The following CFAP299 variants were observed in gnomAD, a reference collection of about 807,000 sequenced individuals.
CFAP299 encodes the protein cilia and flagella associated protein 299.
A neutral mutation model predicts 27.0 loss-of-function variants in CFAP299; 21 were observed. The observed-to-expected ratio is 0.78, with a 90% CI of 0.55 to 1.12. CFAP299 has a LOEUF of 1.12. Ranked by LOEUF, CFAP299 falls within the 50% of genes most tolerant of loss-of-function variation. The pLI is 0.00. For synonymous variants in CFAP299, 104 were observed against 98.1 expected, an observed-to-expected ratio of 1.06 and a Z score of -0.36; for missense variants, 310 against 276.6, an observed-to-expected ratio of 1.12 and a Z score of -0.86.
At chr4:80,723,426 C>T (rs1372408335) in intron 3 of CFAP299, among the ~76,000 whole-genome samples, 6 of 152,030 alleles carry the variant, frequency 3.9e-5, no homozygotes, top group African/African-American at 1.2e-4. Flanking sequence ...ATACATGTTA[C>T]AACATGGATG....
intron 3 of CFAP299, among the ~76,000 whole-genome samples, chr4:80,635,630 TAA>T (rs1355651213): frequency 2.6e-5 from 4 of 152,192 alleles, no homozygotes; most frequent in Admixed American, 1.3e-4. Flanking sequence ...TCCTTGGAAT[TAA>T]AATTAATAAG....
rs566900670 is a variant in CFAP299, at chr4:80,544,662, G to A, written c.243-38431G>A. 2.6e-4 allele frequency among the ~76,000 whole-genome samples: 39 copies of A among 152,260 alleles called. No homozygotes were observed. The South Asian group carries it at 3.1e-3, about 12-fold the overall frequency. ...AAGGGGCTCAATCCAACAGGAAGAT[G>A]TAACTATCCTAAATATATATGCACC... On this transcript the variant is annotated intron_variant, in intron 2 of 5. Coordinates refer to ENST00000358105, the MANE Select transcript of CFAP299 (RefSeq NM_152770.3).
intron 3 of CFAP299, among the ~76,000 whole-genome samples, chr4:80,867,865 C>A (rs945293022): frequency 6.6e-6 from 1 of 152,168 alleles, no homozygotes; most frequent in Non-Finnish European, 1.5e-5. Flanking sequence ...ATGGCACTAT[C>A]TTTACATTTT....
Position 80,575,672 on chromosome 4 carries a change from C to A in CFAP299, c.243-7421C>A, listed in dbSNP as rs937914760. On this transcript the variant is annotated intron_variant, in intron 2 of 5. Transcript: ENST00000358105. ...TCTGATCTTTATTAATTTCTTATAC[C>A]AATTTTAGGTTTGTTTTGCTCTTGC... Among the ~76,000 whole-genome samples, 6 of 133,304 alleles carry A rather than the reference C, an allele frequency of 4.5e-5. No individual in the cohort carries two copies. In the South Asian group the frequency reaches 1.5e-3, roughly 33 times the overall value. 87.5% of individuals were successfully genotyped at this position (133,304 alleles called of 152,430 possible).
At chr4:80,929,171 T>C (rs946354582) in intron 4 of CFAP299, among the ~76,000 whole-genome samples, 2 of 152,070 alleles carry the variant, frequency 1.3e-5, no homozygotes, top group Admixed American at 6.6e-5. Context: ...ACCCATCCAG[T>C]CTCTATGGCA....
At chr4:80,796,444 C>T (rs746856143) in intron 3 of CFAP299, among the ~76,000 whole-genome samples, 4 of 152,166 alleles carry the variant, frequency 2.6e-5, no homozygotes, top group Admixed American at 1.3e-4. Context: ...AAAGTGATCA[C>T]GCTCTCTCTG....
intron 3 of CFAP299, among the ~76,000 whole-genome samples, chr4:80,725,199 A>C (rs1487556761): frequency 7.3e-6 from 1 of 136,800 alleles, no homozygotes; most frequent in African/African-American, 2.8e-5. Flanking sequence ...CAGGTAATCC[A>C]CCCACCTTGG....
Position 80,800,767 on chromosome 4 carries a change from GTA to G in CFAP299, c.334-69214_334-69213del, listed in dbSNP as rs1196148598. Among the ~76,000 whole-genome samples, 534 of 63,812 alleles carry G rather than the reference GTA, an allele frequency of 8.4e-3. 10 individuals are homozygous for G. The highest frequency in any genetic ancestry group is 0.027 in the African/African-American group (449 of 16,696). The allele number at this position is 63,812 out of a possible 152,430, so 41.9% of individuals were successfully genotyped here. ...AATCAGTGTGTGTGTGTGTGTGTGT[GTA>G]TATATATATATGTATACATATATAT... On this transcript the variant is annotated intron_variant, in intron 3 of 5. Coordinates refer to ENST00000358105, the MANE Select transcript of CFAP299 (RefSeq NM_152770.3).
chr4:80,423,346 T>C (rs1727379995), intron 2 of CFAP299, among the ~76,000 whole-genome samples: 1 of 152,248 alleles, frequency 6.6e-6, no homozygotes, highest in South Asian at 2.1e-4. Flanking sequence ...ATTTGGACTA[T>C]TGGGGAGCCC....
chr4:80,400,159 G>A (rs1049782636), intron 2 of CFAP299, among the ~76,000 whole-genome samples: 1 of 152,178 alleles, frequency 6.6e-6, no homozygotes, highest in African/African-American at 2.4e-5. Context: ...TTTCATTGAA[G>A]TGAATAATTT....
chr4:80,801,626 A>G (rs1482645375), intron 3 of CFAP299, among the ~76,000 whole-genome samples: 2 of 151,344 alleles, frequency 1.3e-5, no homozygotes, highest in African/African-American at 4.9e-5. Context: ...GTTAGAAGAA[A>G]TCACGACAGG....
At chr4:80,479,259 A>G (rs925893545) in intron 2 of CFAP299, among the ~76,000 whole-genome samples, 1 of 152,046 alleles carries the variant, frequency 6.6e-6, no homozygotes, top group Non-Finnish European at 1.5e-5. Flanking sequence ...AATGAGACAT[A>G]GGGACTTAAA....
chr4:80,405,549 T>C (rs1726372060), intron 2 of CFAP299, among the ~76,000 whole-genome samples: 1 of 152,106 alleles, frequency 6.6e-6, no homozygotes. Flanking sequence ...TTCTTTCAAT[T>C]TGCAATTTTA....
chr4:80,348,740 T>A (rs975395319), intron 1 of CFAP299, among the ~76,000 whole-genome samples: 1 of 152,226 alleles, frequency 6.6e-6, no homozygotes, highest in African/African-American at 2.4e-5. Context: ...CAGTTTGTGG[T>A]ATTTTCTTAT....
chr4:80,490,229 A>G (rs1036786140), intron 2 of CFAP299, among the ~76,000 whole-genome samples: 1 of 152,210 alleles, frequency 6.6e-6, no homozygotes, highest in Non-Finnish European at 1.5e-5. Context: ...AGACATTCAC[A>G]TAGCTTGGCC....
At chr4:80,465,663 A>G (rs1729665038) in intron 2 of CFAP299, among the ~76,000 whole-genome samples, 1 of 152,210 alleles carries the variant, frequency 6.6e-6, no homozygotes. Context: ...CATGCCCTGG[A>G]AGAGTGAAAG....
rs1455075602 is a variant in CFAP299, at chr4:80,909,268, T to C, written c.477-35542T>C. 2.0e-5 allele frequency among the ~76,000 whole-genome samples: 3 copies of C among 152,092 alleles called. No homozygotes were observed. The East Asian group carries it at 5.8e-4, about 29-fold the overall frequency. ...ATTGACTGTCTGGGGTGGTGCATTATTGTAGTAAAAGGGAGTTTAGTCTTT... is the reference window on the plus strand; with the variant it reads ...ATTGACTGTCTGGGGTGGTGCATTACTGTAGTAAAAGGGAGTTTAGTCTTT... On this transcript the variant is annotated intron_variant, in intron 4 of 5. Transcript: ENST00000358105.
rs764791164 is a variant in CFAP299, at chr4:80,656,110, C to T, written c.333+72927C>T. 1.8e-3 allele frequency among the ~76,000 whole-genome samples: 274 copies of T among 151,978 alleles called. 2 individuals are homozygous for T. The highest frequency in any genetic ancestry group is 3.2e-3 in the Non-Finnish European group (218 of 67,954). Reference sequence around the variant, plus strand: ...TGTAACTTTATATTCTTGGCTATTCCGGTGTTTGCATTGTTCATTTTTAAG... The same window carrying T: ...TGTAACTTTATATTCTTGGCTATTCTGGTGTTTGCATTGTTCATTTTTAAG... On this transcript the variant is annotated intron_variant, in intron 3 of 5. Transcript: ENST00000358105.
intron 3 of CFAP299, among the ~76,000 whole-genome samples, chr4:80,791,280 C>CT (rs759318627): frequency 3.3e-5 from 5 of 151,814 alleles, no homozygotes; most frequent in Non-Finnish European, 7.4e-5. Flanking sequence ...TCTTTAAGGT[C>CT]ATATAGAGTA....
Sources: allele counts gnomAD v4.1 joint callset (sites outside exome capture counted in the v4.1 genomes callset), GRCh38; gene constraint gnomAD v4.1.1; transcripts MANE v1.5; gene names NCBI Gene and HGNC (gene_info 2026-07-23, HGNC 2026-07-21).